Variants in KAZN observed in about 807,000 individuals in gnomAD.
KAZN encodes kazrin, periplakin interacting protein, also known as kazrin.
A neutral mutation model predicts 87.4 loss-of-function variants in KAZN; 40 were observed. The observed-to-expected ratio is 0.46, with a 90% confidence interval of 0.36 to 0.60. The LOEUF is 0.60. Among genes scored for constraint, KAZN ranks in the 20% least tolerant of loss-of-function variants. KAZN has a pLI of 0.00. For missense variants in KAZN, 898 were observed against 1,073.9 expected (o/e 0.84, Z 2.29); for synonymous variants, 466 against 458.3 (o/e 1.02, Z -0.22).
At chr1:13,957,030 A>G (rs1022867204) in intron 1 of KAZN, among the ~76,000 whole-genome samples, 20 of 152,114 alleles carry the variant, frequency 1.3e-4, no homozygotes, top group African/African-American at 4.8e-4. Context: ...TTATGAGATG[A>G]TCTTGCATTT....
intron 2 of KAZN, among the ~76,000 whole-genome samples, chr1:14,313,721 A>G (rs1045007610): frequency 2.6e-5 from 4 of 152,122 alleles, no homozygotes; most frequent in African/African-American, 9.7e-5. Context: ...TCATCACCCC[A>G]TATTATCTCC....
chr1:14,950,415 A>G (rs950575682), intron 1 of KAZN, among the ~76,000 whole-genome samples: 8 of 152,072 alleles, frequency 5.3e-5, no homozygotes, highest in Non-Finnish European at 7.4e-5. Flanking sequence ...ACCAGGCAGG[A>G]GAGGGGAGGC....
Position 15,052,576 on chromosome 1 carries a change from ATGTGTATGTGTGTGCATG to A in KAZN, c.727-3501_727-3484del, listed in dbSNP as rs1239266055. 5.3e-5 allele frequency among the ~76,000 whole-genome samples: 8 copies of A among 151,860 alleles called. 1 individual carries two copies. In the South Asian group the frequency reaches 1.5e-3, roughly 28 times the overall value. ...GTGTGTGTATGCATGTGTGTATTGC[ATGTGTATGTGTGTGCATG>A]TGTGTATGTGTGTATATGTGTGTAT... On this transcript the variant is annotated intron_variant, in intron 4 of 14. Coordinates refer to ENST00000376030, the MANE Select transcript of KAZN (RefSeq NM_201628.3).
intron 1 of KAZN, among the ~76,000 whole-genome samples, chr1:14,015,758 T>G (rs757356644): frequency 3.3e-5 from 5 of 151,352 alleles, no homozygotes; most frequent in Non-Finnish European, 7.4e-5. Flanking sequence ...TAAAAATACA[T>G]CTACACTTTT....
chr1:15,044,054 G>A lies in KAZN; in HGVS notation c.621G>A (p.Glu207=). The change falls in exon 4 of 15, where the codon GAG becomes GAA. Residue 207 remains glutamate (E), a synonymous_variant. Coordinates refer to ENST00000376030, the MANE Select transcript of KAZN (RefSeq NM_201628.3). ...ACCTGCTGGAGCGTGAGAAGTGGGA[G>A]CTGCGGCGCCAAGCCAAGGAGGCCA... ...EKDLLEREKW[E]LRRQAKEATD... 1 of 1,612,736 alleles carries A rather than the reference G, an allele frequency of 6.2e-7. No homozygotes were observed. The highest frequency in any genetic ancestry group is 8.5e-7 in the Non-Finnish European group (1 of 1,179,830).
chr1:14,384,327 C>T (rs1661663504), intron 2 of KAZN, among the ~76,000 whole-genome samples: 2 of 151,976 alleles, frequency 1.3e-5, no homozygotes, highest in South Asian at 4.2e-4. Flanking sequence ...TGCCTAATTG[C>T]CCTGGCCAGA....
intron 1 of KAZN, among the ~76,000 whole-genome samples, chr1:14,874,576 A>T (rs1419831282): frequency 6.6e-6 from 1 of 152,224 alleles, no homozygotes; most frequent in Non-Finnish European, 1.5e-5. Context: ...TACTGCAGGT[A>T]ACTGCACCAT....
chr1:14,465,579 G>A (rs2148357478), intron 2 of KAZN, among the ~76,000 whole-genome samples: 1 of 152,082 alleles, frequency 6.6e-6, no homozygotes, highest in African/African-American at 2.4e-5. Context: ...AGGGGACCCA[G>A]GCCCAAATCA....
intron 8 of KAZN, among the ~76,000 whole-genome samples, chr1:15,090,966 A>C (rs770581661): frequency 2.0e-5 from 3 of 152,174 alleles, no homozygotes; most frequent in Non-Finnish European, 4.4e-5. Flanking sequence ...AAGGAGTTTA[A>C]AATGGAGAGA....
At chr1:14,416,892 C>T (rs960526703) in intron 2 of KAZN, among the ~76,000 whole-genome samples, 1 of 151,784 alleles carries the variant, frequency 6.6e-6, no homozygotes, top group African/African-American at 2.4e-5. Context: ...GAGTTTAAGA[C>T]CAGCCTGGGC....
In KAZN at chr1:14,181,645, G is replaced by A. The variant is rs115682992; in HGVS notation, c.249+1053G>A. Among the ~76,000 whole-genome samples, 1,282 of 152,024 alleles carry A rather than the reference G, an allele frequency of 8.4e-3. 18 individuals are homozygous for A. Among genetic ancestry groups the A allele is most frequent in the African/African-American group, 0.03 (1,236 of 41,444 alleles). ...TGCAAAGCCTTTCATTCCTATTCAC[G>A]GTTCTCCTGCTCTCCTTCATTATAA... On this transcript the variant is annotated intron_variant, in intron 2 of 16. Coordinates refer to the KAZN transcript ENST00000636203.
At chr1:14,432,895 A>G (rs1354919924) in intron 2 of KAZN, among the ~76,000 whole-genome samples, 8 of 152,150 alleles carry the variant, frequency 5.3e-5, no homozygotes, top group Admixed American at 1.3e-4. Flanking sequence ...CCTGCAAAGG[A>G]CATGATCTTA....
chr1:14,344,086 C>T (rs1389950517), intron 2 of KAZN, among the ~76,000 whole-genome samples: 1 of 152,050 alleles, frequency 6.6e-6, no homozygotes, highest in African/African-American at 2.4e-5. Flanking sequence ...ATGTGCCATG[C>T]TCCAAGATCT....
At chr1:13,967,680 T>C (rs1486998071) in intron 1 of KAZN, among the ~76,000 whole-genome samples, 1 of 152,184 alleles carries the variant, frequency 6.6e-6, no homozygotes, top group Non-Finnish European at 1.5e-5. Flanking sequence ...AGAAGTGCCT[T>C]CATACGTTCC....
chr1:14,649,470 A>T (rs754426186), intron 1 of KAZN, among the ~76,000 whole-genome samples: 18 of 152,212 alleles, frequency 1.2e-4, no homozygotes, highest in Non-Finnish European at 7.3e-5. Flanking sequence ...CTAACGGTTC[A>T]CGTTACACCT....
chr1:13,997,310 C>T (rs1639571143), intron 1 of KAZN, among the ~76,000 whole-genome samples: 2 of 152,030 alleles, frequency 1.3e-5, no homozygotes, highest in African/African-American at 4.8e-5. Flanking sequence ...GACAGAGTGC[C>T]TCCTTTCCTC....
intron 1 of KAZN, among the ~76,000 whole-genome samples, chr1:13,919,679 G>T (rs774445297): frequency 5.3e-5 from 8 of 152,168 alleles, no homozygotes; most frequent in Non-Finnish European, 1.0e-4. Context: ...TGGGTTATCT[G>T]TGTTTTCCTT....
At chr1:14,216,444 G>A (rs989826731) in intron 2 of KAZN, among the ~76,000 whole-genome samples, 2 of 152,134 alleles carry the variant, frequency 1.3e-5, no homozygotes, top group African/African-American at 4.8e-5. Context: ...ATAAAGACAA[G>A]GGAAAGAGAA....
At chr1:14,878,058 C>T (rs1335283542) in intron 1 of KAZN, among the ~76,000 whole-genome samples, 1 of 152,100 alleles carries the variant, frequency 6.6e-6, no homozygotes, top group Non-Finnish European at 1.5e-5. Flanking sequence ...CAAGAACCTG[C>T]AGACATGGTT....
Sources: gnomAD v4.1 joint callset for allele counts (sites outside exome capture counted in the v4.1 genomes callset) on GRCh38, gnomAD v4.1.1 for gene constraint, MANE v1.5 for transcripts, NCBI Gene and HGNC (gene_info 2026-07-23, HGNC 2026-07-21) for gene names.